The following HDAC9 variants were observed in gnomAD, a reference collection of about 807,000 sequenced individuals.
HDAC9 encodes the protein MEF-2 interacting transcription repressor (MITR) protein.
HDAC9 carries 41 observed loss-of-function variants against 139.4 expected under a neutral mutation model. The ratio of observed to expected loss-of-function variants is 0.29; its 90% CI spans 0.23 to 0.38. HDAC9 has a LOEUF of 0.38. Among genes scored for constraint, HDAC9 ranks in the 10% least tolerant of loss-of-function variants. The probability of loss-of-function intolerance (pLI) is 1.00; values close to 1 mark genes in which losing one functional copy is unlikely to be tolerated. For missense variants in HDAC9, 1,147 were observed against 1,297.0 expected (o/e 0.88, Z 1.78); for synonymous variants, 517 against 476.2 (o/e 1.09, Z -1.12).
chr7:18,264,349 GA>G (rs1562810371), intron 2 of HDAC9, among the ~76,000 whole-genome samples: 1 of 151,764 alleles, frequency 6.6e-6, no homozygotes, highest in African/African-American at 2.4e-5. Context: ...AATGAAATTA[GA>G]AATTAAAAAA....
chr7:18,183,209 C>G (rs539164628), intron 2 of HDAC9, among the ~76,000 whole-genome samples: 1 of 151,850 alleles, frequency 6.6e-6, no homozygotes, highest in African/African-American at 2.4e-5. Context: ...CGGGGTTTCA[C>G]CGTGTTAGCC....
chr7:18,998,745 C>G lies in HDAC9; in HGVS notation c.*2683C>G, dbSNP rs1289821851. 2.0e-5 allele frequency: 3 copies of G among 152,180 alleles called. No homozygotes were observed. The highest frequency in any genetic ancestry group is 2.9e-5 in the Non-Finnish European group (2 of 68,038). The allele number at this position is 152,180 out of a possible 1,614,324, so 9.4% of individuals were successfully genotyped here. A position where few individuals can be genotyped will look rare whatever the true frequency, so the allele number is the denominator to read the frequency against. ...GAAGAGTATTATCAATTTTGCATCT[C>G]CTTGTGATACTTACTTTGAAGGAAA... On this transcript the variant is annotated 3_prime_UTR_variant, in exon 26 of 26. Transcript: ENST00000686413.
At chr7:18,229,702 C>G (rs1157248679) in intron 2 of HDAC9, among the ~76,000 whole-genome samples, 1 of 152,098 alleles carries the variant, frequency 6.6e-6, no homozygotes, top group Non-Finnish European at 1.5e-5. Flanking sequence ...ACAAAATGCC[C>G]TCTGAGGATA....
intron 2 of HDAC9, among the ~76,000 whole-genome samples, chr7:18,551,246 T>C (rs1817025667): frequency 2.0e-5 from 3 of 152,184 alleles, no homozygotes; most frequent in African/African-American, 4.8e-5. Flanking sequence ...TTTTTAGATA[T>C]GGTAACTTTG....
chr7:18,346,824 T>C (rs1782453179), intron 1 of HDAC9, among the ~76,000 whole-genome samples: 1 of 152,074 alleles, frequency 6.6e-6, no homozygotes, highest in Admixed American at 6.6e-5. Flanking sequence ...AAATTTCCCA[T>C]TGTTTGGTTG....
intron 2 of HDAC9, among the ~76,000 whole-genome samples, chr7:18,535,373 T>A (rs996056402): frequency 3.9e-5 from 6 of 151,966 alleles, no homozygotes; most frequent in African/African-American, 1.2e-4. Context: ...TATGAAATAT[T>A]TTAAGTTCAT....
intron 2 of HDAC9, among the ~76,000 whole-genome samples, chr7:18,163,050 A>C (rs1425836499): frequency 6.6e-6 from 1 of 152,178 alleles, no homozygotes; most frequent in African/African-American, 2.4e-5. Context: ...TACTTACAGA[A>C]GCATTTATTT....
intron 23 of HDAC9, among the ~76,000 whole-genome samples, chr7:18,936,805 T>A (rs73307004): frequency 0.015 from 2,236 of 152,266 alleles, 50 homozygotes; most frequent in African/African-American, 0.048. Context: ...ATCATTTTTT[T>A]AACTGTAATG....
chr7:18,821,461 C>G (rs1326183648), intron 17 of HDAC9, among the ~76,000 whole-genome samples: 1 of 152,122 alleles, frequency 6.6e-6, no homozygotes, highest in East Asian at 1.9e-4. Context: ...ATAGGCAGAG[C>G]CTTGTGGCTG....
At chr7:18,136,208 T>C (rs1390482036) in intron 1 of HDAC9, among the ~76,000 whole-genome samples, 2 of 149,796 alleles carry the variant, frequency 1.3e-5, no homozygotes, top group Non-Finnish European at 3.0e-5. Context: ...TATTAGCCCT[T>C]TGTCAGATGA....
At chr7:18,562,567 G>A (rs1820946288) in intron 2 of HDAC9, among the ~76,000 whole-genome samples, 1 of 152,076 alleles carries the variant, frequency 6.6e-6, no homozygotes, top group African/African-American at 2.4e-5. Context: ...AACCATAAAT[G>A]TAATGGTTTC....
At chr7:18,799,299 G>C (rs529197464) in intron 17 of HDAC9, among the ~76,000 whole-genome samples, 2 of 152,260 alleles carry the variant, frequency 1.3e-5, no homozygotes, top group Non-Finnish European at 2.9e-5. Context: ...ATCCTGGAAA[G>C]AGGTGAGAAT....
intron 2 of HDAC9, among the ~76,000 whole-genome samples, chr7:18,262,330 A>C (rs1269309281): frequency 6.6e-6 from 1 of 152,228 alleles, no homozygotes; most frequent in Non-Finnish European, 1.5e-5. Context: ...AGACAGTGGC[A>C]TGACATATTC....
intron 2 of HDAC9, among the ~76,000 whole-genome samples, chr7:18,200,831 A>G (rs1232519695): frequency 1.3e-5 from 2 of 152,106 alleles, no homozygotes; most frequent in African/African-American, 4.8e-5. Flanking sequence ...TTCTAAACCT[A>G]TTGCAGATCA....
chr7:18,595,607 G>T (rs1211980594), intron 6 of HDAC9, among the ~76,000 whole-genome samples: 1 of 151,996 alleles, frequency 6.6e-6, no homozygotes, highest in Admixed American at 6.6e-5. Flanking sequence ...TAAAAGGAAA[G>T]AAAAATATGG....
intron 2 of HDAC9, among the ~76,000 whole-genome samples, chr7:18,507,765 TA>T (rs1800263336): frequency 6.6e-6 from 1 of 152,232 alleles, no homozygotes. Flanking sequence ...TTTTAAAAGA[TA>T]AATATGTTTT....
chr7:18,985,313 T>G (rs1403551915), intron 25 of HDAC9, among the ~76,000 whole-genome samples: 2 of 152,060 alleles, frequency 1.3e-5, no homozygotes, highest in Non-Finnish European at 2.9e-5. Flanking sequence ...AGTGAGAATA[T>G]GCGGTGTTTG....
chr7:18,355,521 AT>A (rs1783187865), intron 1 of HDAC9, among the ~76,000 whole-genome samples: 1 of 152,188 alleles, frequency 6.6e-6, no homozygotes, highest in South Asian at 2.1e-4. Flanking sequence ...TAAACCATGA[AT>A]CCTTTATAAA....
intron 25 of HDAC9, among the ~76,000 whole-genome samples, chr7:18,980,338 C>G (rs112898430): frequency 2.0e-5 from 3 of 152,258 alleles, no homozygotes; most frequent in African/African-American, 4.8e-5. Context: ...CATAATTTAG[C>G]TTCCCATCTC....
Sources: allele counts gnomAD v4.1 joint callset (sites outside exome capture counted in the v4.1 genomes callset), GRCh38; gene constraint gnomAD v4.1.1; transcripts MANE v1.5; gene names NCBI Gene and HGNC (gene_info 2026-07-23, HGNC 2026-07-21).